PPP4R2: variants seen among roughly 807,000 people sequenced by gnomAD.
PPP4R2 encodes serine/threonine-protein phosphatase 4 regulatory subunit 2.
A neutral mutation model predicts 47.2 loss-of-function variants in PPP4R2; 13 were observed. The observed-to-expected ratio is 0.28, with a 90% CI of 0.18 to 0.44. The LOEUF (loss-of-function observed/expected upper bound fraction) is 0.44, where lower values mean the gene tolerates loss of function less well. Among genes scored for constraint, PPP4R2 ranks in the 20% least tolerant of loss-of-function variants. The pLI, the probability that PPP4R2 is intolerant of heterozygous loss-of-function variation, is 1.00. For missense variants in PPP4R2, 421 were observed against 491.2 expected (o/e 0.86, Z 1.35); for synonymous variants, 151 against 163.3 (o/e 0.92, Z 0.57).
chr3:73,041,025 A>G (rs1374912761), intron 2 of PPP4R2, among the ~76,000 whole-genome samples: 14 of 151,360 alleles, frequency 9.2e-5, no homozygotes, highest in South Asian at 2.1e-4. Context: ...ACATACTTCT[A>G]TGTCTTTATT....
At chr3:73,012,399 A>G (rs1575844501) in intron 2 of PPP4R2, among the ~76,000 whole-genome samples, 2 of 152,018 alleles carry the variant, frequency 1.3e-5, no homozygotes, top group Admixed American at 1.3e-4. Flanking sequence ...TTCCGGGTTC[A>G]CGCCATTCTC....
chr3:73,060,023 G>A (rs887204762), intron 4 of PPP4R2, among the ~76,000 whole-genome samples: 5 of 151,992 alleles, frequency 3.3e-5, no homozygotes, highest in Non-Finnish European at 1.5e-5. Context: ...CTTGTCTTGA[G>A]TGAAAAATGA....
chr3:73,016,422 A>G (rs1257161873), intron 2 of PPP4R2, among the ~76,000 whole-genome samples: 1 of 152,150 alleles, frequency 6.6e-6, no homozygotes, highest in Non-Finnish European at 1.5e-5. Context: ...ATTGCTTAGG[A>G]CACTCCCCAG....
At chr3:73,005,534 C>G (rs1467696691) in intron 2 of PPP4R2, among the ~76,000 whole-genome samples, 2 of 151,930 alleles carry the variant, frequency 1.3e-5, no homozygotes, top group East Asian at 3.9e-4. Flanking sequence ...TTGAATTCTT[C>G]TTTTGAGTCC....
chr3:73,011,353 C>T (rs1471914915), intron 2 of PPP4R2, among the ~76,000 whole-genome samples: 2 of 152,196 alleles, frequency 1.3e-5, no homozygotes, highest in Middle Eastern at 3.4e-3. Context: ...TGGTGGCAGG[C>T]GCTTTTAGTC....
At position 73,065,022 on chromosome 3, in the gene PPP4R2, C is replaced by A; in HGVS notation, c.809C>A (p.Ser270Ter). The A allele has an allele frequency of 6.2e-7, 1 of 1,613,838 alleles. No homozygotes were observed. The highest frequency in any genetic ancestry group is 2.2e-5 in the East Asian group (1 of 44,874). ...CAAACGACTTCCAGCGAAATTTCTT[C>A]AGTTATGGTAGGAGAAACAGAAGCA... Reference protein sequence around the residue: ...ASQTTSSEISSVMVGETEASS... With the variant: ...ASQTTSSEIS The change falls in exon 8 of 9, where the codon TCA becomes TAA. Residue 270 changes from serine to a stop codon, truncating the protein, a stop_gained. Transcript: ENST00000356692. LOFTEE classifies it high-confidence loss of function.
At chr3:73,004,947 G>T (rs9872525) in intron 2 of PPP4R2, among the ~76,000 whole-genome samples, 17 of 3,602 alleles carry the variant, frequency 4.7e-3, no homozygotes, top group African/African-American at 0.026. Context: ...TCGGAGTCGT[G>T]TGTGTGTGTG....
chr3:73,006,465 C>T (rs1701612043), intron 2 of PPP4R2, among the ~76,000 whole-genome samples: 1 of 152,176 alleles, frequency 6.6e-6, no homozygotes, highest in Non-Finnish European at 1.5e-5. Flanking sequence ...GCTGGGATTA[C>T]AGGCGTGAGC....
At chr3:73,058,506 CT>C (rs200293076) in intron 3 of PPP4R2, among the ~76,000 whole-genome samples, 4 of 150,258 alleles carry the variant, frequency 2.7e-5, no homozygotes, top group Admixed American at 1.3e-4. Context: ...TTCTAAGTTG[CT>C]TTTTTTTTAA....
At chr3:73,030,360 A>G (rs1451806259) in intron 2 of PPP4R2, among the ~76,000 whole-genome samples, 4 of 152,270 alleles carry the variant, frequency 2.6e-5, no homozygotes, top group East Asian at 1.9e-4. Context: ...GACCCTGGAA[A>G]TTCCCTATTG....
At chr3:73,052,663 A>G (rs1228846958) in intron 3 of PPP4R2, among the ~76,000 whole-genome samples, 2 of 152,194 alleles carry the variant, frequency 1.3e-5, no homozygotes, top group African/African-American at 2.4e-5. Context: ...GAATTTTTCA[A>G]AATGAAAGAA....
chr3:73,028,116 G>T (rs1021612723), intron 2 of PPP4R2, among the ~76,000 whole-genome samples: 3 of 151,726 alleles, frequency 2.0e-5, no homozygotes, highest in African/African-American at 7.3e-5. Context: ...AATTAGCCAG[G>T]CGTGGTGGCA....
intron 3 of PPP4R2, among the ~76,000 whole-genome samples, chr3:73,051,151 G>T (rs537215022): frequency 4.2e-4 from 64 of 152,318 alleles, no homozygotes; most frequent in Non-Finnish European, 7.3e-5. Context: ...CAGACCTCAG[G>T]TGATCCACCC....
In PPP4R2 at chr3:72,996,865, G is replaced by A; in HGVS notation, c.-173G>A. 1 of 415,244 alleles carries A rather than the reference G, an allele frequency of 2.4e-6. No homozygotes were observed. Among genetic ancestry groups the A allele is most frequent in the East Asian group, 3.6e-5 (1 of 27,856 alleles). The allele number at this position is 415,244 out of a possible 1,614,324, so 25.7% of individuals were successfully genotyped here. On this transcript the variant is annotated 5_prime_UTR_variant, in exon 1 of 9. Coordinates refer to ENST00000356692, the MANE Select transcript of PPP4R2 (RefSeq NM_174907.4). ...GGCTTGGGGAGGTGCTCGCTCTGTC[G>A]GTCTTGCTCTCTCGCACGCTTCCCC...
chr3:73,030,439 G>T (rs1430375600), intron 2 of PPP4R2, among the ~76,000 whole-genome samples: 1 of 152,108 alleles, frequency 6.6e-6, no homozygotes, highest in Non-Finnish European at 1.5e-5. Flanking sequence ...TCAATGTAGG[G>T]TTGAGGTGAG....
intron 2 of PPP4R2, among the ~76,000 whole-genome samples, chr3:73,036,974 A>C (rs567218817): frequency 2.6e-4 from 39 of 152,294 alleles, no homozygotes; most frequent in Admixed American, 5.9e-4. Flanking sequence ...GGCAGTGCTA[A>C]CTCATTTTTA....
At chr3:73,036,217 A>G (rs1702258979) in intron 2 of PPP4R2, among the ~76,000 whole-genome samples, 1 of 152,162 alleles carries the variant, frequency 6.6e-6, no homozygotes, top group Admixed American at 6.5e-5. Context: ...GGAGGTAGAG[A>G]GTAGAATGAG....
chr3:73,022,609 C>T (rs1257775799), intron 2 of PPP4R2, among the ~76,000 whole-genome samples: 1 of 152,074 alleles, frequency 6.6e-6, no homozygotes, highest in African/African-American at 2.4e-5. Context: ...CAATTACAAA[C>T]TTCAGTAAAA....
chr3:73,061,927 A>C, intron 5 of PPP4R2: 1 of 597,398 alleles, frequency 1.7e-6, no homozygotes, highest in East Asian at 3.0e-5. Context: ...ATACTAAAAT[A>C]ATCCCATACT....
Sources: gnomAD v4.1 joint callset for allele counts (sites outside exome capture counted in the v4.1 genomes callset) on GRCh38, gnomAD v4.1.1 for gene constraint, MANE v1.5 for transcripts, NCBI Gene and HGNC (gene_info 2026-07-23, HGNC 2026-07-21) for gene names.